SETBP1: variants seen among roughly 807,000 people sequenced by gnomAD.
SETBP1 encodes the protein SET binding protein 1.
SETBP1 carries 9 observed loss-of-function variants against 101.0 expected under a neutral mutation model. That is an observed-to-expected ratio of 0.09 (90% CI 0.05 to 0.16). The LOEUF is 0.16. Among genes scored for constraint, SETBP1 ranks in the 10% least tolerant of loss-of-function variants. The probability of loss-of-function intolerance (pLI) is 1.00; values close to 1 mark genes in which losing one functional copy is unlikely to be tolerated. For missense variants in SETBP1, 1,858 were observed against 2,033.8 expected, an observed-to-expected ratio of 0.91 and a Z score of 1.66; for synonymous variants, 818 against 788.5, an observed-to-expected ratio of 1.04 and a Z score of -0.63.
chr18:44,852,733 CA>C (rs2072897794), intron 2 of SETBP1, among the ~76,000 whole-genome samples: 1 of 152,128 alleles, frequency 6.6e-6, no homozygotes, highest in Non-Finnish European at 1.5e-5. Context: ...CTTTGATACC[CA>C]TTCTGGTTCT....
intron 3 of SETBP1, among the ~76,000 whole-genome samples, chr18:44,928,639 G>T (rs527527752): frequency 1.3e-5 from 2 of 152,268 alleles, no homozygotes; most frequent in South Asian, 4.1e-4. Flanking sequence ...GTGTGAGATG[G>T]TATCTCATTG....
chr18:44,713,253 G>A (rs961228856), intron 2 of SETBP1, among the ~76,000 whole-genome samples: 6 of 151,912 alleles, frequency 3.9e-5, no homozygotes, highest in African/African-American at 7.3e-5. Context: ...CACCGCGCCC[G>A]GCCTCAGCAT....
At chr18:44,682,016 G>C (rs1346463630) in intron 1 of SETBP1, among the ~76,000 whole-genome samples, 1 of 152,042 alleles carries the variant, frequency 6.6e-6, no homozygotes, top group South Asian at 2.1e-4. Flanking sequence ...GTCCACTGGC[G>C]TTGATTGTTT....
chr18:44,734,705 C>A (rs1365866001), intron 2 of SETBP1, among the ~76,000 whole-genome samples: 1 of 152,152 alleles, frequency 6.6e-6, no homozygotes, highest in Non-Finnish European at 1.5e-5. Context: ...TTCCTTACCT[C>A]TAAACTTCTA....
Position 45,063,779 on chromosome 18 carries a change from C to G in SETBP1, c.*81C>G, listed in dbSNP as rs996546758. 16 of 1,474,082 alleles carry G rather than the reference C, an allele frequency of 1.1e-5. No homozygotes were observed. Among genetic ancestry groups the G allele is most frequent in the Admixed American group, 2.0e-5 (1 of 49,864 alleles). 91.3% of individuals were successfully genotyped at this position (1,474,082 alleles called of 1,614,324 possible). On this transcript the variant is annotated 3_prime_UTR_variant, in exon 6 of 6. Transcript: ENST00000649279. ...GTGAGCCGGGGCGGGGGCGGAATCC[C>G]CCGCTGCAGGGACACCCACGCCCTT...
chr18:44,983,229 C>A (rs553787579), intron 4 of SETBP1, among the ~76,000 whole-genome samples: 14 of 152,086 alleles, frequency 9.2e-5, no homozygotes, highest in African/African-American at 3.1e-4. Flanking sequence ...AGATTTTGTG[C>A]GTATCAAAAC....
chr18:44,972,131 G>A (rs2071878188), intron 4 of SETBP1, among the ~76,000 whole-genome samples: 1 of 152,136 alleles, frequency 6.6e-6, no homozygotes, highest in Admixed American at 6.5e-5. Flanking sequence ...ATTAAATAGG[G>A]AATCCTTTCC....
At chr18:44,806,345 C>A (rs991535548) in intron 2 of SETBP1, among the ~76,000 whole-genome samples, 1 of 152,134 alleles carries the variant, frequency 6.6e-6, no homozygotes, top group Non-Finnish European at 1.5e-5. Context: ...AAGACCTTGT[C>A]CCCTGCTAAT....
chr18:44,793,264 C>T (rs2071403726), intron 2 of SETBP1, among the ~76,000 whole-genome samples: 1 of 152,154 alleles, frequency 6.6e-6, no homozygotes, highest in African/African-American at 2.4e-5. Context: ...TGTTCTAAAC[C>T]TTTGCTGCAC....
intron 4 of SETBP1, among the ~76,000 whole-genome samples, chr18:44,979,901 C>T (rs1191791606): frequency 6.6e-6 from 1 of 152,176 alleles, no homozygotes; most frequent in Admixed American, 6.5e-5. Context: ...AAAAGCAGTT[C>T]CTTCTTAATA....
At chr18:44,685,954 T>C (rs1366466286) in intron 1 of SETBP1, among the ~76,000 whole-genome samples, 2 of 152,162 alleles carry the variant, frequency 1.3e-5, no homozygotes, top group African/African-American at 4.8e-5. Flanking sequence ...GAAATGCTCT[T>C]TGAGTTAAGG....
chr18:44,807,460 G>A (rs542933884), intron 2 of SETBP1, among the ~76,000 whole-genome samples: 2 of 151,990 alleles, frequency 1.3e-5, no homozygotes, highest in South Asian at 2.1e-4. Context: ...TTCATATTTG[G>A]TGCTGGATTT....
rs2068751209 is a variant in SETBP1 at position 44,680,959 on chromosome 18, A to G, written c.-235A>G. On this transcript the variant is annotated 5_prime_UTR_variant, in exon 1 of 6. Transcript: ENST00000649279. The stretch of plus-strand genomic sequence containing the variant: ...TTGGATTTTTTTGGGGGGGGAATGT[A>G]TCAGAATCTAACGTGTCGTTAATAG... The G allele has an allele frequency of 6.6e-6, 1 of 152,012 alleles. No homozygotes were observed. The highest frequency in any genetic ancestry group is 1.5e-5 in the Non-Finnish European group (1 of 68,068). 9.4% of individuals were successfully genotyped at this position (152,012 alleles called of 1,614,324 possible).
intron 2 of SETBP1, among the ~76,000 whole-genome samples, chr18:44,769,337 TA>T (rs2070826558): frequency 6.6e-6 from 1 of 152,246 alleles, no homozygotes; most frequent in Admixed American, 6.5e-5. Context: ...GTATTGGTTC[TA>T]ACAAATGCAA....
At chr18:44,923,315 CAACATGA>C (rs1568218407) in intron 3 of SETBP1, among the ~76,000 whole-genome samples, 1 of 152,202 alleles carries the variant, frequency 6.6e-6, no homozygotes, top group Non-Finnish European at 1.5e-5. Context: ...TCCTCCTGAG[CAACATGA>C]CTGAGTATTC....
In SETBP1 at chr18:44,951,703, G is replaced by A; in HGVS notation, c.2363G>A (p.Gly788Asp). ...PLSTQLGGSN[G>D]NLSPASTETN... is the part of the protein sequence containing the mutation. Reference sequence around the variant, plus strand: ...TCAACACAGTTAGGTGGGTCCAATGGCAACCTGAGCCCTGCCAGCACTGAA... The same window carrying A: ...TCAACACAGTTAGGTGGGTCCAATGACAACCTGAGCCCTGCCAGCACTGAA... The change falls in exon 4 of 6, where the codon GGC (glycine) becomes GAC (aspartate). Residue 788 changes from glycine to aspartate, a missense_variant. By Grantham distance (94) the Gly-to-Asp change is moderately conservative (BLOSUM62 -1). Transcript: ENST00000649279. The surrounding 1 kb of genome is among the most constrained non-coding windows in gnomAD (Gnocchi z 7.8). The A allele has an allele frequency of 1.2e-6, 2 of 1,614,072 alleles. No homozygotes were observed. Among genetic ancestry groups the A allele is most frequent in the Non-Finnish European group, 1.7e-6 (2 of 1,180,026 alleles).
intron 3 of SETBP1, chr18:44,871,163 G>A (rs939351658): frequency 6.6e-6 from 1 of 152,134 alleles, no homozygotes; most frequent in African/African-American, 2.4e-5. Flanking sequence ...AGGAAGTCCT[G>A]GGAAACTGGT....
At chr18:44,836,566 G>A (rs552024302) in intron 2 of SETBP1, among the ~76,000 whole-genome samples, 16 of 152,220 alleles carry the variant, frequency 1.1e-4, no homozygotes, top group Admixed American at 3.9e-4. Flanking sequence ...TAGTCTAGAA[G>A]AATGCTCTGA....
At chr18:44,875,314 A>T (rs1184773975) in intron 3 of SETBP1, among the ~76,000 whole-genome samples, 2 of 151,958 alleles carry the variant, frequency 1.3e-5, no homozygotes, top group Admixed American at 6.6e-5. Flanking sequence ...GGGTCAAGAG[A>T]TCGAGACCTC....
Sources: allele counts gnomAD v4.1 joint callset (sites outside exome capture counted in the v4.1 genomes callset), GRCh38; gene constraint gnomAD v4.1.1; non-coding constraint Gnocchi (gnomAD v3.1); transcripts MANE v1.5; gene names NCBI Gene and HGNC (gene_info 2026-07-23, HGNC 2026-07-21).